The following FRAS1 variants were observed in gnomAD, a reference collection of about 807,000 sequenced individuals.
FRAS1 encodes Fraser extracellular matrix complex subunit 1.
FRAS1 carries 290 observed loss-of-function variants against 435.2 expected under a neutral mutation model. That is an observed-to-expected ratio of 0.67 (90% CI 0.61 to 0.73). The LOEUF (loss-of-function observed/expected upper bound fraction) is 0.73. FRAS1 is among the 30% of genes least tolerant of loss of function. The probability of loss-of-function intolerance (pLI) is 0.00; values close to 1 mark genes in which losing one functional copy is unlikely to be tolerated. For synonymous variants in FRAS1, 1,800 were observed against 1,851.0 expected (o/e 0.97, Z 0.71); for missense variants, 4,860 against 5,001.5 (o/e 0.97, Z 0.85).
At chr4:78,475,371 A>C in intron 53 of FRAS1, 67 bp from the exon 54 acceptor site, 3 of 1,565,672 alleles carry the variant, frequency 1.9e-6, no homozygotes, top group Non-Finnish European at 2.6e-6. Flanking sequence ...AGAGACAGGC[A>C]TTAAACAAGT....
At position 78,464,085 on chromosome 4, in the gene FRAS1, T is replaced by C. The variant is rs1719450323; in HGVS notation, c.6828T>C (p.Ser2276=). ...CACGAAATGTTCAGTATGTCCATTCTAGTGAGGCTGAGAAACATTCAGATG... is the reference window on the plus strand; with the variant it reads ...CACGAAATGTTCAGTATGTCCATTCCAGTGAGGCTGAGAAACATTCAGATG... The part of the protein sequence containing the change: ...LTSRNVQYVH[S]SEAEKHSDAF... The change falls in exon 48 of 74, where the codon TCT becomes TCC. Residue 2276 remains serine, a synonymous_variant. Transcript: ENST00000512123. 2 of 1,613,674 alleles carry C rather than the reference T, an allele frequency of 1.2e-6. No homozygotes were observed. The highest frequency in any genetic ancestry group is 2.2e-5 in the South Asian group (2 of 91,070).
At chr4:78,148,641 T>C (rs1044079219) in intron 2 of FRAS1, among the ~76,000 whole-genome samples, 1 of 152,220 alleles carries the variant, frequency 6.6e-6, no homozygotes. Flanking sequence ...TGTCAAAATA[T>C]ATCTAAAGCA....
At chr4:78,110,114 T>C (rs1742624495) in intron 2 of FRAS1, among the ~76,000 whole-genome samples, 1 of 17,872 alleles carries the variant, frequency 5.6e-5, no homozygotes, top group South Asian at 2.6e-3. Flanking sequence ...CACAAACAAA[T>C]GGAAGAACAT....
chr4:78,331,255 G>A (rs926287324), intron 18 of FRAS1, among the ~76,000 whole-genome samples: 2 of 152,108 alleles, frequency 1.3e-5, no homozygotes, highest in Admixed American at 6.6e-5. Context: ...TAGTATATCC[G>A]GGGATGATGA....
At chr4:78,168,954 GA>G (rs746330467) in intron 2 of FRAS1, among the ~76,000 whole-genome samples, 1 of 152,114 alleles carries the variant, frequency 6.6e-6, no homozygotes, top group Non-Finnish European at 1.5e-5. Flanking sequence ...AGAAAAGAAG[GA>G]ACTGGGCAGT....
At chr4:78,469,630 G>GT (rs146133039) in intron 50 of FRAS1, among the ~76,000 whole-genome samples, 42,407 of 123,116 alleles carry the variant, frequency 0.34, 6,212 homozygotes, top group South Asian at 0.55. Flanking sequence ...GAAAAGTACT[G>GT]TTTGGTTTTT....
intron 60 of FRAS1, among the ~76,000 whole-genome samples, chr4:78,498,153 G>A (rs1409049028): frequency 2.0e-5 from 3 of 152,198 alleles, no homozygotes; most frequent in African/African-American, 4.8e-5. Flanking sequence ...TGATGGGTCG[G>A]TGGCACATGT....
At chr4:78,359,707 A>G (rs1167617176) in intron 20 of FRAS1, among the ~76,000 whole-genome samples, 2 of 152,192 alleles carry the variant, frequency 1.3e-5, no homozygotes, top group Non-Finnish European at 2.9e-5. Flanking sequence ...AGAGTTAGAG[A>G]GTTGAACTTT....
At chr4:78,090,657 C>T (rs981824440) in intron 2 of FRAS1, among the ~76,000 whole-genome samples, 9 of 152,250 alleles carry the variant, frequency 5.9e-5, no homozygotes, top group East Asian at 1.9e-4. Flanking sequence ...CACGCTATTC[C>T]TAAAGCGCAG....
chr4:78,196,666 T>G (rs1016226750), intron 2 of FRAS1, among the ~76,000 whole-genome samples: 14 of 152,196 alleles, frequency 9.2e-5, no homozygotes, highest in Non-Finnish European at 1.9e-4. Context: ...GGGCATATAT[T>G]CCACAGTATT....
rs554879327 is a variant in FRAS1, at chr4:78,372,845, G to A, written c.2997G>A (p.Ser999=). ...GCTTGTCATCATTTTACCAGGACTC[G>A]GGCCTCTGCAAGAGTAAGTGTGTAG... ...EQCLSSFYQD[S]GLCKNCDSYC... is the part of the protein sequence containing the mutation. Residue 999 remains serine (S), a synonymous_variant, in exon 24 of 74, where the codon TCG becomes TCA. Coordinates refer to ENST00000512123, the MANE Select transcript of FRAS1 (RefSeq NM_025074.7). The A allele has an allele frequency of 1.1e-5, 17 of 1,612,590 alleles. No individual in the cohort carries two copies. The African/African-American group carries it at 1.3e-4, about 13-fold the overall frequency.
At chr4:78,417,820 G>T (rs1733611328) in intron 32 of FRAS1, among the ~76,000 whole-genome samples, 1 of 151,654 alleles carries the variant, frequency 6.6e-6, no homozygotes, top group Non-Finnish European at 1.5e-5. Flanking sequence ...TCTGAAAGAA[G>T]GAGGGCTTCA....
chr4:78,285,114 C>G (rs1326115199), intron 13 of FRAS1, among the ~76,000 whole-genome samples: 1 of 152,118 alleles, frequency 6.6e-6, no homozygotes, highest in East Asian at 1.9e-4. Flanking sequence ...CTGAGAAGAA[C>G]TTACTTGGGA....
chr4:78,286,253 A>T (rs1309852289), intron 13 of FRAS1, 152 bp from the exon 14 acceptor site: 1 of 824,140 alleles, frequency 1.2e-6, no homozygotes, highest in Admixed American at 1.9e-5. Flanking sequence ...ACTGTGTGCT[A>T]TACAGATGAT....
In FRAS1 at chr4:78,321,814, AGCCTGGAGTT is replaced by A. The variant is rs1560653795; in HGVS notation, c.2137+2829_2137+2838del. On this transcript the variant is annotated intron_variant, in intron 18 of 73. Transcript: ENST00000512123. ...AGCTGAGATCACACCATTGCTCTCC[AGCCTGGAGTT>A]AACAAAACTTCGTCAAAAAAAAAAA... Among the ~76,000 whole-genome samples the A allele has an allele frequency of 8.3e-3, 1,233 of 148,148 alleles. 16 individuals are homozygous for A. Among genetic ancestry groups the A allele is most frequent in the African/African-American group, 0.029 (1,159 of 39,532 alleles).
intron 72 of FRAS1, among the ~76,000 whole-genome samples, chr4:78,538,737 G>A (rs778439242): frequency 2.6e-5 from 4 of 152,062 alleles, no homozygotes; most frequent in Admixed American, 6.5e-5. Context: ...GGCGGATCAC[G>A]AGGTCAGGAG....
Position 78,450,174 on chromosome 4 carries a change from C to A in FRAS1, c.6298C>A (p.Gln2100Lys). 1 of 1,613,736 alleles carries A rather than the reference C, an allele frequency of 6.2e-7. No individual in the cohort carries two copies. The highest frequency in any genetic ancestry group is 8.5e-7 in the Non-Finnish European group (1 of 1,179,684). ...SAGSVARITE[Q>K]HLKVTDIDSD... ...AGGGTCTGTAGCACGCATCACAGAA[C>A]AGCACTTGAAAGTGACAGATATTGA... Residue 2100 changes from glutamine to lysine, a missense_variant, in exon 45 of 74, where the codon CAG (glutamine) becomes AAG (lysine). Transcript: ENST00000512123.
At chr4:78,089,087 T>TA (rs1741363540) in intron 2 of FRAS1, among the ~76,000 whole-genome samples, 1 of 152,066 alleles carries the variant, frequency 6.6e-6, no homozygotes, top group Non-Finnish European at 1.5e-5. Context: ...CACCATGGAA[T>TA]ACTATGCAGC....
At chr4:78,152,716 A>C (rs1043758141) in intron 2 of FRAS1, among the ~76,000 whole-genome samples, 4 of 148,602 alleles carry the variant, frequency 2.7e-5, no homozygotes, top group Admixed American at 6.9e-5. Flanking sequence ...AGTTTTGGAG[A>C]ATTCATTGAC....
Sources: allele counts gnomAD v4.1 joint callset (sites outside exome capture counted in the v4.1 genomes callset), GRCh38; gene constraint gnomAD v4.1.1; transcripts MANE v1.5; gene names NCBI Gene and HGNC (gene_info 2026-07-23, HGNC 2026-07-21).